SSBP4: variants seen among roughly 807,000 people sequenced by gnomAD.
The protein encoded by SSBP4 is single stranded DNA binding protein 4.
SSBP4 carries 33 observed loss-of-function variants against 64.6 expected under a neutral mutation model. The ratio of observed to expected loss-of-function variants is 0.51; its 90% CI spans 0.39 to 0.68. SSBP4 has a LOEUF of 0.68. Ranked by LOEUF, SSBP4 falls within the 30% of genes least tolerant of loss-of-function variation. The pLI is 0.00. For synonymous variants in SSBP4, 243 were observed against 224.0 expected (o/e 1.08, Z -0.76); for missense variants, 583 against 566.8 (o/e 1.03, Z -0.29).
chr19:18,433,348 T>C, intron 15 of SSBP4, 135 bp downstream of exon 15: 1 of 1,300,040 alleles, frequency 7.7e-7, no homozygotes, highest in Non-Finnish European at 1.0e-6. Flanking sequence ...GGCCGCTCAG[T>C]GACAGGGGCT....
upstream of SSBP4, among the ~76,000 whole-genome samples, chr19:18,417,595 C>T (rs1233187745): frequency 6.6e-6 from 1 of 152,188 alleles, no homozygotes; most frequent in Non-Finnish European, 1.5e-5. This position sits in a 1 kb window ranked among gnomAD's most constrained non-coding sequence, Gnocchi z 5.4. Context: ...CCCACGCCCC[C>T]CGTGGTCCCC....
upstream of SSBP4, among the ~76,000 whole-genome samples, chr19:18,416,421 C>G (rs183423809): frequency 2.0e-5 from 3 of 152,310 alleles, no homozygotes; most frequent in Admixed American, 6.5e-5. Context: ...AAGCCATCAT[C>G]CTGTCTCGGC....
chr19:18,414,975 T>C (rs545832986), upstream of SSBP4, among the ~76,000 whole-genome samples: 8 of 152,264 alleles, frequency 5.3e-5, no homozygotes, highest in African/African-American at 1.9e-4. Context: ...AAACCCTAGC[T>C]GGCTGTCCAA....
intron 1 of SSBP4, among the ~76,000 whole-genome samples, chr19:18,422,184 G>C (rs1050998332): frequency 6.6e-6 from 1 of 152,090 alleles, no homozygotes; most frequent in Non-Finnish European, 1.5e-5. Flanking sequence ...AAGAAAAACA[G>C]TGAAAGAGAG....
At chr19:18,416,204 G>C (rs895349942), upstream of SSBP4, among the ~76,000 whole-genome samples, 1 of 152,082 alleles carries the variant, frequency 6.6e-6, no homozygotes, top group Non-Finnish European at 1.5e-5. Flanking sequence ...GAGTAGAGAG[G>C]GGGTTTCACC....
chr19:18,419,254 C>CA, upstream of SSBP4: 2 of 991,426 alleles, frequency 2.0e-6, no homozygotes, highest in Non-Finnish European at 2.4e-6. Context: ...GCCGCGCCCC[C>CA]ACCCCCCGCG....
chr19:18,411,278 A>C, the SSBP4 span, among the ~76,000 whole-genome samples: 2 of 152,160 alleles, frequency 1.3e-5, no homozygotes, highest in Non-Finnish European at 2.9e-5. Context: ...AGATCACCTG[A>C]GGTCAGGAGT....
intron 7 of SSBP4, 43 bp from the exon 8 acceptor site, chr19:18,431,750 G>A: frequency 1.9e-6 from 3 of 1,540,136 alleles, no homozygotes; most frequent in Non-Finnish European, 2.6e-6. Flanking sequence ...CTGGGCCGGG[G>A]AGGGAGCACC....
rs535456080 is a variant in SSBP4, at chr19:18,421,054, G to A, written c.59+1347G>A. Among the ~76,000 whole-genome samples the A allele has an allele frequency of 7.2e-5, 11 of 152,146 alleles. No homozygotes were observed. The South Asian group carries it at 2.3e-3, about 32-fold the overall frequency. On this transcript the variant is annotated intron_variant, in intron 1 of 17. Coordinates refer to ENST00000270061, the MANE Select transcript of SSBP4 (RefSeq NM_032627.5). ...CCTTGAGGGCCAGGCCAGGAGTGAGGACTTGAATGTCTGGGTGCTGGAGAG... is the reference window on the plus strand; with the variant it reads ...CCTTGAGGGCCAGGCCAGGAGTGAGAACTTGAATGTCTGGGTGCTGGAGAG...
chr19:18,411,688 C>T, the SSBP4 span, among the ~76,000 whole-genome samples: 69 of 152,212 alleles, frequency 4.5e-4, no homozygotes, highest in Middle Eastern at 3.4e-3. Flanking sequence ...GTGGGATGAC[C>T]TGGATGCATT....
chr19:18,419,434 A>C lies in SSBP4; in HGVS notation c.-215A>C. The C allele has an allele frequency of 3.8e-6, 4 of 1,039,900 alleles. No homozygotes were observed. The highest frequency in any genetic ancestry group is 3.5e-6 in the Non-Finnish European group (3 of 867,478). The allele number at this position is 1,039,900 out of a possible 1,614,324, so 64.4% of individuals were successfully genotyped here. Reference sequence around the variant, plus strand: ...CAGCCCGCGCGGAGGAAAGGGAGGAAAAAAAGCCACCCTGCGGCCGGGGCC... The same window carrying C: ...CAGCCCGCGCGGAGGAAAGGGAGGACAAAAAGCCACCCTGCGGCCGGGGCC... On this transcript the variant is annotated 5_prime_UTR_variant, in exon 1 of 18. Coordinates refer to ENST00000270061, the MANE Select transcript of SSBP4 (RefSeq NM_032627.5).
At chr19:18,410,755 A>G in the SSBP4 span, among the ~76,000 whole-genome samples, 2 of 151,846 alleles carry the variant, frequency 1.3e-5, no homozygotes, top group African/African-American at 2.4e-5. Context: ...TGGGATTCTC[A>G]GGAGTTGCTA....
upstream of SSBP4, among the ~76,000 whole-genome samples, chr19:18,417,769 G>GC (rs1037553078): frequency 6.6e-6 from 1 of 152,150 alleles, no homozygotes; most frequent in Admixed American, 6.5e-5. This position sits in a 1 kb window ranked among gnomAD's most constrained non-coding sequence, Gnocchi z 5.4. Flanking sequence ...CCGCGCCGAG[G>GC]CCCCTCGGGG....
chr19:18,423,777 C>T lies in SSBP4; in HGVS notation c.60-3574C>T, dbSNP rs1354966821. Among the ~76,000 whole-genome samples the T allele has an allele frequency of 6.6e-6, 1 of 152,142 alleles. No homozygotes were observed. The highest frequency in any genetic ancestry group is 6.5e-5 in the Admixed American group (1 of 15,278). ...CAGGGAGAGCTGCCTGCTGCTCTTCCGGGTGCCTCCCTGTTTTCCTTTCTG... is the reference window on the plus strand; with the variant it reads ...CAGGGAGAGCTGCCTGCTGCTCTTCTGGGTGCCTCCCTGTTTTCCTTTCTG... On this transcript the variant is annotated intron_variant, in intron 1 of 17. Coordinates refer to ENST00000270061, the MANE Select transcript of SSBP4 (RefSeq NM_032627.5). The surrounding 1 kb of genome is among the most constrained non-coding windows in gnomAD (Gnocchi z 4.0).
At chr19:18,405,440 C>T in the SSBP4 span, among the ~76,000 whole-genome samples, 3 of 146,532 alleles carry the variant, frequency 2.0e-5, no homozygotes, top group African/African-American at 5.1e-5. Flanking sequence ...TTGGGAGGAT[C>T]GCTTGAGCCC....
At chr19:18,408,900 C>T in the SSBP4 span, among the ~76,000 whole-genome samples, 1 of 152,010 alleles carries the variant, frequency 6.6e-6, no homozygotes, top group African/African-American at 2.4e-5. Flanking sequence ...GCAACCTCCA[C>T]TTCCTGGGCT....
At chr19:18,414,728 G>A (rs1469230054), upstream of SSBP4, among the ~76,000 whole-genome samples, 3 of 152,146 alleles carry the variant, frequency 2.0e-5, no homozygotes. Context: ...TGCAGGTTTG[G>A]CAGAGGCTTC....
rs747984076 is a variant in SSBP4, at chr19:18,427,314, G to A, written c.60-37G>A. ...GGCTTTGGGGTGGGCCCTTGCCTTGGAGAGTCTGAGCTCCCTGGGCCGCCT... is the reference window on the plus strand; with the variant it reads ...GGCTTTGGGGTGGGCCCTTGCCTTGAAGAGTCTGAGCTCCCTGGGCCGCCT... On this transcript the variant is annotated intron_variant, in intron 1 of 17. Transcript: ENST00000270061. The surrounding 1 kb of genome is among the most constrained non-coding windows in gnomAD (Gnocchi z 4.4). 32 of 1,603,038 alleles carry A rather than the reference G, an allele frequency of 2.0e-5. No individual in the cohort carries two copies. The highest frequency in any genetic ancestry group is 6.7e-5 in the African/African-American group (5 of 74,960).
the SSBP4 span, among the ~76,000 whole-genome samples, chr19:18,405,417 T>C: frequency 6.6e-6 from 1 of 151,952 alleles, no homozygotes; most frequent in Admixed American, 6.6e-5. Flanking sequence ...TCCCAGCACT[T>C]TGGGAGGCCG....
Sources: gnomAD v4.1 joint callset for allele counts (sites outside exome capture counted in the v4.1 genomes callset) on GRCh38, gnomAD v4.1.1 for gene constraint, Gnocchi (gnomAD v3.1) non-coding constraint, MANE v1.5 for transcripts, NCBI Gene and HGNC (gene_info 2026-07-23, HGNC 2026-07-21) for gene names.